The following MARCHF3 variants were observed in gnomAD, a reference collection of about 807,000 sequenced individuals.
MARCHF3 encodes the protein E3 ubiquitin-protein ligase MARCHF3.
A neutral mutation model predicts 24.2 loss-of-function variants in MARCHF3; 13 were observed. That is an observed-to-expected ratio of 0.54 (90% CI 0.35 to 0.85). The LOEUF is 0.85. Among genes scored for constraint, MARCHF3 ranks in the 40% least tolerant of loss-of-function variants. The pLI, the probability that MARCHF3 is intolerant of heterozygous loss-of-function variation, is 0.01. For missense variants in MARCHF3, 276 were observed against 325.0 expected (o/e 0.85, Z 1.16); for synonymous variants, 144 against 137.3 (o/e 1.05, Z -0.34).
intron 1 of MARCHF3, among the ~76,000 whole-genome samples, chr5:127,017,632 A>G (rs1752674869): frequency 6.6e-6 from 1 of 152,204 alleles, no homozygotes; most frequent in Admixed American, 6.5e-5. Flanking sequence ...AACTTATTGC[A>G]TACTATGCTG....
chr5:126,910,746 A>G (rs1320991155), intron 3 of MARCHF3, among the ~76,000 whole-genome samples: 1 of 152,190 alleles, frequency 6.6e-6, no homozygotes, highest in Non-Finnish European at 1.5e-5. Context: ...TTTTTGAACA[A>G]TATGATATCT....
intron 1 of MARCHF3, among the ~76,000 whole-genome samples, chr5:127,002,396 A>G (rs944229569): frequency 2.6e-5 from 4 of 152,190 alleles, no homozygotes; most frequent in Non-Finnish European, 1.5e-5. Flanking sequence ...TTAAAGATGT[A>G]CCAGCCTGTC....
At chr5:127,006,200 C>CAA (rs58415135) in intron 1 of MARCHF3, among the ~76,000 whole-genome samples, 2,423 of 71,814 alleles carry the variant, frequency 0.034, 51 homozygotes, top group South Asian at 0.17. Flanking sequence ...GAGGCTCTGT[C>CAA]AAAAAAAAAA....
intron 3 of MARCHF3, among the ~76,000 whole-genome samples, chr5:126,894,365 G>A: frequency 6.6e-6 from 1 of 151,594 alleles, no homozygotes. Flanking sequence ...CTCGTTAGTT[G>A]CAGTTTCTTC....
chr5:127,029,763 G>T (rs1753116001), intron 1 of MARCHF3, among the ~76,000 whole-genome samples: 1 of 152,232 alleles, frequency 6.6e-6, no homozygotes, highest in South Asian at 2.1e-4. Context: ...GGAGGTCCGA[G>T]CACCTCAGGA....
intron 1 of MARCHF3, among the ~76,000 whole-genome samples, chr5:127,004,949 G>C (rs756533682): frequency 2.6e-5 from 4 of 151,456 alleles, no homozygotes; most frequent in Non-Finnish European, 4.4e-5. Flanking sequence ...GGTGTCAGCT[G>C]ATGCTGGAGT....
At chr5:127,003,324 G>A (rs1040434320) in intron 1 of MARCHF3, among the ~76,000 whole-genome samples, 5 of 150,638 alleles carry the variant, frequency 3.3e-5, no homozygotes, top group Non-Finnish European at 5.9e-5. Flanking sequence ...AAAATTAGCC[G>A]GGCGTGGTGG....
chr5:126,945,107 C>G (rs1232351702), intron 1 of MARCHF3, among the ~76,000 whole-genome samples: 1 of 152,174 alleles, frequency 6.6e-6, no homozygotes, highest in Non-Finnish European at 1.5e-5. Flanking sequence ...TCAGAGATGA[C>G]AAGAGAGGCA....
At chr5:127,000,619 T>C (rs1752095296) in intron 1 of MARCHF3, among the ~76,000 whole-genome samples, 1 of 152,208 alleles carries the variant, frequency 6.6e-6, no homozygotes, top group East Asian at 1.9e-4. Context: ...CAGGGCAGAA[T>C]GAAAGGAACT....
chr5:126,870,543 A>G lies in MARCHF3; in HGVS notation c.*90T>C. On this transcript the variant is annotated 3_prime_UTR_variant, in exon 5 of 5. Coordinates refer to ENST00000308660, the MANE Select transcript of MARCHF3 (RefSeq NM_178450.5). ...GTTCTTAGACCCACAGGCTTAAGGA[A>G]GGGCTTGGGGGTCGCTCAGTGCATG... 2 of 1,226,354 alleles carry G rather than the reference A, an allele frequency of 1.6e-6. No homozygotes were observed. The highest frequency in any genetic ancestry group is 2.3e-6 in the Non-Finnish European group (2 of 851,568). The allele number at this position is 1,226,354 out of a possible 1,614,324, so 76.0% of individuals were successfully genotyped here. A position where few individuals can be genotyped will look rare whatever the true frequency, so the allele number is the denominator to read the frequency against.
intron 1 of MARCHF3, among the ~76,000 whole-genome samples, chr5:126,966,206 T>C (rs947795240): frequency 6.6e-6 from 1 of 152,186 alleles, no homozygotes; most frequent in Non-Finnish European, 1.5e-5. Context: ...GGGGACTGAC[T>C]GCAAAGGGGC....
chr5:126,886,720 C>T (rs1241473807), intron 3 of MARCHF3, among the ~76,000 whole-genome samples: 1 of 152,160 alleles, frequency 6.6e-6, no homozygotes, highest in East Asian at 1.9e-4. Flanking sequence ...ACATGACAAG[C>T]TTTACAAGAT....
intron 1 of MARCHF3, among the ~76,000 whole-genome samples, chr5:127,029,238 CGTAT>C (rs572358742): frequency 6.6e-4 from 100 of 152,272 alleles, no homozygotes; most frequent in African/African-American, 2.4e-3. Flanking sequence ...CACATATACA[CGTAT>C]GTATGTGTGT....
intron 3 of MARCHF3, among the ~76,000 whole-genome samples, chr5:126,885,622 T>C (rs1753489245): frequency 1.3e-5 from 2 of 152,198 alleles, no homozygotes; most frequent in Middle Eastern, 3.4e-3. Flanking sequence ...GGAAAATGAA[T>C]GAATAAACAT....
At chr5:126,907,305 G>A (rs1754336335) in intron 3 of MARCHF3, among the ~76,000 whole-genome samples, 1 of 140,320 alleles carries the variant, frequency 7.1e-6, no homozygotes, top group Non-Finnish European at 1.5e-5. Flanking sequence ...TTGATTTGGG[G>A]TGGAGAGTTC....
chr5:127,010,519 T>G (rs1374354055), intron 1 of MARCHF3, among the ~76,000 whole-genome samples: 1 of 152,096 alleles, frequency 6.6e-6, no homozygotes, highest in Non-Finnish European at 1.5e-5. Context: ...TCACATCTCT[T>G]GCATTTTCTC....
At chr5:126,890,022 C>T (rs748106916) in intron 3 of MARCHF3, among the ~76,000 whole-genome samples, 1 of 152,144 alleles carries the variant, frequency 6.6e-6, no homozygotes, top group African/African-American at 2.4e-5. Context: ...GTAGCATCCT[C>T]ATATCTCTCA....
intron 3 of MARCHF3, among the ~76,000 whole-genome samples, chr5:126,882,393 A>G (rs1215144242): frequency 6.6e-6 from 1 of 152,122 alleles, no homozygotes; most frequent in East Asian, 1.9e-4. Context: ...GGTCTGTGTC[A>G]ATTCTTTTGC....
intron 1 of MARCHF3, among the ~76,000 whole-genome samples, chr5:127,008,235 T>C (rs1752369124): frequency 1.3e-5 from 2 of 152,076 alleles, no homozygotes; most frequent in South Asian, 4.1e-4. Context: ...CAACTGAAAA[T>C]GAAAAATTAA....
Sources: gnomAD v4.1 joint callset for allele counts (sites outside exome capture counted in the v4.1 genomes callset) on GRCh38, gnomAD v4.1.1 for gene constraint, MANE v1.5 for transcripts, NCBI Gene and HGNC (gene_info 2026-07-23, HGNC 2026-07-21) for gene names.